DMD: variants seen among roughly 807,000 people sequenced by gnomAD.
The protein encoded by DMD is mutant dystrophin.
Under a neutral mutation model 330.1 loss-of-function variants are expected in DMD, and 63 were observed. The observed-to-expected ratio is 0.19, with a 90% CI of 0.16 to 0.24. DMD has a LOEUF of 0.24. Ranked by LOEUF, DMD falls within the 10% of genes least tolerant of loss-of-function variation. The probability of loss-of-function intolerance (pLI) is 1.00; values close to 1 mark genes in which losing one functional copy is unlikely to be tolerated. For synonymous variants in DMD, 1,223 were observed against 959.8 expected, an observed-to-expected ratio of 1.27 and a Z score of -5.07; for missense variants, 3,344 against 2,684.1, an observed-to-expected ratio of 1.25 and a Z score of -5.43.
chrX:32,395,421 G>C (rs776764141), intron 30 of DMD, among the ~76,000 whole-genome samples: 2 of 29,322 alleles, frequency 6.8e-5, no homozygotes, highest in African/African-American at 2.0e-4. Flanking sequence ...AGGGCCTGTC[G>C]TGGGGTGGGG....
intron 52 of DMD, among the ~76,000 whole-genome samples, chrX:31,702,936 C>A (rs897307543): frequency 2.8e-5 from 3 of 107,627 alleles, no homozygotes; most frequent in Non-Finnish European, 3.8e-5. Context: ...CTCACTGCCA[C>A]CTCTGCCTCT....
intron 52 of DMD, among the ~76,000 whole-genome samples, chrX:31,724,069 T>TGAA (rs2085808063): frequency 1.8e-5 from 2 of 112,405 alleles, no homozygotes; most frequent in Non-Finnish European, 3.8e-5. Context: ...TGAACTGAAC[T>TGAA]CTTTGGTTGC....
intron 17 of DMD, 71 bp downstream of exon 17, chrX:32,545,088 A>G: frequency 9.5e-7 from 1 of 1,050,762 alleles, no homozygotes. Flanking sequence ...AAGTGAAAAC[A>G]CCACCAACAA....
intron 2 of DMD, among the ~76,000 whole-genome samples, chrX:32,859,692 G>A (rs1256930344): frequency 1.8e-5 from 2 of 111,109 alleles, no homozygotes; most frequent in Non-Finnish European, 3.8e-5. Context: ...TTAGAAACTT[G>A]CTTTTTCCTC....
At chrX:32,502,027 G>C (rs72468687) in intron 18 of DMD, among the ~76,000 whole-genome samples, 185 bp from the exon 19 acceptor site, 6 of 111,828 alleles carry the variant, frequency 5.4e-5, no homozygotes, top group Non-Finnish European at 1.1e-4. Context: ...AAAAGCATGA[G>C]CCATTTTCAT....
chrX:32,983,528 T>TAC (rs561986393), intron 2 of DMD, among the ~76,000 whole-genome samples: 16,505 of 73,305 alleles, frequency 0.23, 1,905 homozygotes, highest in Middle Eastern at 0.3. Flanking sequence ...CAGAACTAAA[T>TAC]ACACACACAC....
intron 7 of DMD, among the ~76,000 whole-genome samples, chrX:32,736,351 A>G (rs1343590952): frequency 8.9e-6 from 1 of 111,734 alleles, no homozygotes; most frequent in African/African-American, 3.3e-5. Flanking sequence ...TGTGGAAGTC[A>G]GTGTGGCCAT....
intron 30 of DMD, among the ~76,000 whole-genome samples, chrX:32,407,135 T>C (rs1296534895): frequency 9.0e-6 from 1 of 111,217 alleles, no homozygotes; most frequent in Non-Finnish European, 1.9e-5. Context: ...GGGATCTAAT[T>C]AAACTAAAGA....
chrX:33,038,261 G>A (rs983391991), intron 1 of DMD, among the ~76,000 whole-genome samples: 2 of 111,611 alleles, frequency 1.8e-5, no homozygotes, highest in African/African-American at 6.5e-5. Context: ...TTGCATTAGT[G>A]CATACCTCCA....
intron 44 of DMD, among the ~76,000 whole-genome samples, chrX:32,135,617 GGAGGCT>G (rs1398086125): frequency 8.9e-6 from 1 of 111,809 alleles, no homozygotes; most frequent in Non-Finnish European, 1.9e-5. Context: ...CAGCTACCCG[GGAGGCT>G]GAGGTGGGAG....
At chrX:32,319,449 T>C (rs2097599538) in intron 41 of DMD, among the ~76,000 whole-genome samples, 2 of 111,719 alleles carry the variant, frequency 1.8e-5, no homozygotes. Flanking sequence ...AGTATCAACT[T>C]AACAGGATAA....
At chrX:31,419,761 T>C (rs908551192) in intron 60 of DMD, among the ~76,000 whole-genome samples, 1 of 111,570 alleles carries the variant, frequency 9.0e-6, no homozygotes, top group African/African-American at 3.3e-5. Flanking sequence ...GATCCCTGGG[T>C]CCTTTTCTTA....
At chrX:32,311,409 C>T (rs2097561996) in intron 41 of DMD, among the ~76,000 whole-genome samples, 2 of 111,381 alleles carry the variant, frequency 1.8e-5, no homozygotes, top group African/African-American at 6.5e-5. Flanking sequence ...AATTTACAAG[C>T]TGGTCACTTT....
chrX:33,009,312 G>GCATATA (rs1314899382), intron 2 of DMD, among the ~76,000 whole-genome samples: 2 of 39,513 alleles, frequency 5.1e-5, no homozygotes, highest in African/African-American at 1.9e-4. Flanking sequence ...ATACACATGT[G>GCATATA]TGTATATGTG....
intron 1 of DMD, among the ~76,000 whole-genome samples, chrX:33,139,950 T>C (rs1192729178): frequency 9.7e-6 from 1 of 103,284 alleles, no homozygotes; most frequent in African/African-American, 3.8e-5. Flanking sequence ...TTTGTATAAA[T>C]AAATCCTTTG....
At chrX:31,173,407 G>A (rs913524771) in intron 72 of DMD, 132 bp downstream of exon 72, 6 of 723,041 alleles carry the variant, frequency 8.3e-6, no homozygotes, top group Non-Finnish European at 1.3e-5. Flanking sequence ...GCACGTTAGA[G>A]GGCAAGTTGA....
At chrX:31,393,569 A>G (rs765374605) in intron 60 of DMD, among the ~76,000 whole-genome samples, 1 of 110,986 alleles carries the variant, frequency 9.0e-6, no homozygotes, top group South Asian at 3.9e-4. Flanking sequence ...TCACATATCA[A>G]GAGAATACAT....
At chrX:32,776,101 C>G (rs1569517680) in intron 7 of DMD, among the ~76,000 whole-genome samples, 2 of 111,860 alleles carry the variant, frequency 1.8e-5, no homozygotes, top group South Asian at 3.8e-4. Context: ...TGCCACCAAT[C>G]TCTTTGCTAA....
At chrX:31,614,212 A>C (rs1569554841) in intron 55 of DMD, among the ~76,000 whole-genome samples, 4 of 112,230 alleles carry the variant, frequency 3.6e-5, no homozygotes, top group African/African-American at 1.3e-4. Flanking sequence ...GTCTCATTCT[A>C]TTTGGGGTCA....
Sources: gnomAD v4.1 joint callset for allele counts (sites outside exome capture counted in the v4.1 genomes callset) on GRCh38, gnomAD v4.1.1 for gene constraint, MANE v1.5 for transcripts, NCBI Gene and HGNC (gene_info 2026-07-23, HGNC 2026-07-21) for gene names.